The following SHISA9 variants were observed in gnomAD, a reference collection of about 807,000 sequenced individuals.
SHISA9 encodes the protein protein shisa-9.
SHISA9 carries 13 observed loss-of-function variants against 38.0 expected under a neutral mutation model. The ratio of observed to expected loss-of-function variants is 0.34; its 90% CI spans 0.22 to 0.54. The LOEUF (loss-of-function observed/expected upper bound fraction) is 0.54, where lower values mean the gene tolerates loss of function less well. Among genes scored for constraint, SHISA9 ranks in the 20% least tolerant of loss-of-function variants. SHISA9 has a pLI of 0.91. For missense variants in SHISA9, 538 were observed against 575.8 expected (o/e 0.93, Z 0.67); for synonymous variants, 275 against 242.0 (o/e 1.14, Z -1.27).
chr16:13,271,630 AACAG>A, the SHISA9 span, among the ~76,000 whole-genome samples: 3 of 152,160 alleles, frequency 2.0e-5, no homozygotes, highest in East Asian at 1.9e-4. Flanking sequence ...AGAAAAGAAA[AACAG>A]ACAGAGAGAC....
At chr16:13,315,832 C>A in the SHISA9 span, among the ~76,000 whole-genome samples, 2 of 152,066 alleles carry the variant, frequency 1.3e-5, no homozygotes, top group Non-Finnish European at 2.9e-5. Context: ...AGAGTGAAAA[C>A]ATGAACCCAG....
chr16:13,262,662 A>AAGGGAGGGAGGGAGGGAGGG, the SHISA9 span, among the ~76,000 whole-genome samples: 1 of 52,410 alleles, frequency 1.9e-5, no homozygotes. Flanking sequence ...GGAAGGAAGG[A>AAGGGAGGGAGGGAGGGAGGG]AGGAAGGAAG....
intron 2 of SHISA9, among the ~76,000 whole-genome samples, chr16:12,991,960 T>TA (rs1178814036): frequency 1.3e-5 from 2 of 152,096 alleles, no homozygotes; most frequent in African/African-American, 2.4e-5. Flanking sequence ...TATTAAGTTT[T>TA]AAAAAAAGTC....
chr16:12,998,660 A>G (rs2072488470), intron 2 of SHISA9, among the ~76,000 whole-genome samples: 1 of 152,188 alleles, frequency 6.6e-6, no homozygotes, highest in Non-Finnish European at 1.5e-5. Flanking sequence ...CTTCCTGAGT[A>G]GCTAGGATTA....
chr16:13,015,200 T>G (rs2072726495), intron 2 of SHISA9, among the ~76,000 whole-genome samples: 1 of 152,264 alleles, frequency 6.6e-6, no homozygotes, highest in Non-Finnish European at 1.5e-5. Flanking sequence ...TATTCATTTA[T>G]GTATTGTCTG....
chr16:13,282,317 T>C, the SHISA9 span, among the ~76,000 whole-genome samples: 1 of 149,030 alleles, frequency 6.7e-6, no homozygotes, highest in Non-Finnish European at 1.5e-5. Flanking sequence ...ATATTCAAGA[T>C]TTTTTTGTTA....
the SHISA9 span, among the ~76,000 whole-genome samples, chr16:13,555,618 G>T: frequency 6.6e-6 from 1 of 152,178 alleles, no homozygotes; most frequent in African/African-American, 2.4e-5. Flanking sequence ...TGCCTGGGGA[G>T]GTAGCAAGTT....
intron 2 of SHISA9, among the ~76,000 whole-genome samples, chr16:13,197,939 C>A (rs2050963865): frequency 6.6e-6 from 1 of 152,122 alleles, no homozygotes; most frequent in African/African-American, 2.4e-5. Context: ...AAGCCCAGCA[C>A]TTTGGGAGGC....
At chr16:13,307,625 T>C in the SHISA9 span, among the ~76,000 whole-genome samples, 1 of 152,218 alleles carries the variant, frequency 6.6e-6, no homozygotes, top group African/African-American at 2.4e-5. Context: ...CAGACAAAAG[T>C]TCTTCCCAAA....
chr16:12,936,594 A>G (rs2071536571), intron 2 of SHISA9, among the ~76,000 whole-genome samples: 1 of 152,194 alleles, frequency 6.6e-6, no homozygotes. Flanking sequence ...CTTCAGACAG[A>G]CTCACTTCCC....
chr16:13,154,991 T>A (rs2050531623), intron 2 of SHISA9, among the ~76,000 whole-genome samples: 1 of 152,168 alleles, frequency 6.6e-6, no homozygotes, highest in Non-Finnish European at 1.5e-5. Context: ...AGATTGTAGA[T>A]GATGATGAAA....
At chr16:12,920,444 A>C (rs1468436477) in intron 2 of SHISA9, among the ~76,000 whole-genome samples, 1 of 152,250 alleles carries the variant, frequency 6.6e-6, no homozygotes, top group Non-Finnish European at 1.5e-5. Context: ...CAACAGGGTG[A>C]CTATAGTCAA....
intron 4 of SHISA9, among the ~76,000 whole-genome samples, chr16:13,234,631 CATAG>C (rs1482222955): frequency 6.6e-6 from 1 of 152,102 alleles, no homozygotes; most frequent in East Asian, 1.9e-4. Flanking sequence ...ATTGGTAGGT[CATAG>C]ATAGGAAGAT....
chr16:13,186,753 C>G (rs975471375), intron 2 of SHISA9, among the ~76,000 whole-genome samples: 6 of 152,202 alleles, frequency 3.9e-5, no homozygotes, highest in African/African-American at 1.4e-4. Context: ...CCCTGGTAAC[C>G]ATTCTACTTT....
At chr16:13,492,320 C>T in the SHISA9 span, among the ~76,000 whole-genome samples, 12 of 152,240 alleles carry the variant, frequency 7.9e-5, no homozygotes, top group African/African-American at 1.2e-4. Flanking sequence ...GGGAAGCAGG[C>T]CATGTTCCTA....
chr16:13,358,288 G>A, the SHISA9 span, among the ~76,000 whole-genome samples: 2 of 152,086 alleles, frequency 1.3e-5, no homozygotes, highest in Middle Eastern at 3.2e-3. Context: ...TTGACATCTG[G>A]GTTTTGAGTG....
At chr16:13,110,741 A>G (rs1483515392) in intron 2 of SHISA9, among the ~76,000 whole-genome samples, 1 of 152,236 alleles carries the variant, frequency 6.6e-6, no homozygotes, top group East Asian at 1.9e-4. Context: ...GGCCTCATTT[A>G]TCCTGGAGAA....
At chr16:13,112,221 T>C (rs919463340) in intron 2 of SHISA9, among the ~76,000 whole-genome samples, 1 of 152,124 alleles carries the variant, frequency 6.6e-6, no homozygotes, top group Admixed American at 6.6e-5. Context: ...GTTCTTGATA[T>C]GTTTAGAGAG....
the SHISA9 span, among the ~76,000 whole-genome samples, chr16:13,301,454 G>A: frequency 6.6e-4 from 100 of 152,288 alleles, no homozygotes; most frequent in East Asian, 0.015. Context: ...CCGTGAGGTC[G>A]AATGTACTGT....
Sources: allele counts gnomAD v4.1 joint callset (sites outside exome capture counted in the v4.1 genomes callset), GRCh38; gene constraint gnomAD v4.1.1; transcripts MANE v1.5; gene names NCBI Gene and HGNC (gene_info 2026-07-23, HGNC 2026-07-21).